The following DLG2 variants were observed in gnomAD, a reference collection of about 807,000 sequenced individuals.
DLG2 encodes disks large homolog 2.
In DLG2, 45 loss-of-function variants were observed where a neutral mutation model predicts 132.5. The observed-to-expected ratio is 0.34, with a 90% CI of 0.27 to 0.44. The LOEUF (loss-of-function observed/expected upper bound fraction) is 0.44. Ranked by LOEUF, DLG2 falls within the 20% of genes least tolerant of loss-of-function variation. DLG2 has a pLI of 1.00. For synonymous variants in DLG2, 424 were observed against 419.6 expected, an observed-to-expected ratio of 1.01 and a Z score of -0.13; for missense variants, 1,045 against 1,196.9, an observed-to-expected ratio of 0.87 and a Z score of 1.87.
intron 12 of DLG2, among the ~76,000 whole-genome samples, chr11:83,969,374 A>G (rs536450677): frequency 6.6e-6 from 1 of 152,320 alleles, no homozygotes; most frequent in Non-Finnish European, 1.5e-5. Context: ...AGGAATCATT[A>G]TATTTCCTGC....
chr11:84,503,281 G>C (rs762135778), intron 7 of DLG2, among the ~76,000 whole-genome samples: 28 of 152,100 alleles, frequency 1.8e-4, no homozygotes, highest in Non-Finnish European at 3.8e-4. Context: ...GGGTTGTCTG[G>C]GGGTCAAATT....
rs1213298818 is a variant in DLG2, at chr11:84,844,105, T to TTGTG, written c.357+267552_357+267555dup. ...TGTGTGTATATATATATATATATGTTTGTGTGTGTGTGTGTGTGTGTGTGT... is the reference window on the plus strand; with the variant it reads ...TGTGTGTATATATATATATATATGTTTGTGTGTGTGTGTGTGTGTGTGTGTGTGT... On this transcript the variant is annotated intron_variant, in intron 6 of 27. Coordinates refer to ENST00000376104, the MANE Select transcript of DLG2 (RefSeq NM_001142699.3). Among the ~76,000 whole-genome samples, 6 of 80,958 alleles carry TTGTG rather than the reference T, an allele frequency of 7.4e-5. No homozygotes were observed. The East Asian group carries it at 1.9e-3, about 25-fold the overall frequency. 53.1% of individuals were successfully genotyped at this position (80,958 alleles called of 152,430 possible). A position where few individuals can be genotyped will look rare whatever the true frequency, so the allele number is the denominator to read the frequency against.
chr11:85,092,923 G>A (rs971007660), intron 6 of DLG2, among the ~76,000 whole-genome samples: 12 of 152,196 alleles, frequency 7.9e-5, no homozygotes, highest in African/African-American at 2.9e-4. Flanking sequence ...TTACAGGCGT[G>A]CACCACTACG....
At chr11:83,642,146 T>C (rs1387935376) in intron 18 of DLG2, among the ~76,000 whole-genome samples, 2 of 152,162 alleles carry the variant, frequency 1.3e-5, no homozygotes, top group East Asian at 1.9e-4. Flanking sequence ...AAGGATGTTA[T>C]CATGTTTTCT....
chr11:84,473,863 T>C (rs1244329822), intron 7 of DLG2, among the ~76,000 whole-genome samples: 1 of 152,076 alleles, frequency 6.6e-6, no homozygotes, highest in African/African-American at 2.4e-5. Context: ...ATTTATGCCT[T>C]AAAAGCAATT....
intron 6 of DLG2, among the ~76,000 whole-genome samples, chr11:84,836,403 G>A (rs2079785046): frequency 6.6e-6 from 1 of 151,648 alleles, no homozygotes; most frequent in African/African-American, 2.4e-5. Context: ...AGTATCCAGT[G>A]CTCATTTTAT....
At chr11:83,750,321 A>G (rs1271061558) in intron 18 of DLG2, among the ~76,000 whole-genome samples, 1 of 152,204 alleles carries the variant, frequency 6.6e-6, no homozygotes, top group African/African-American at 2.4e-5. Flanking sequence ...ACTATCGACA[A>G]GTATGAGGAA....
chr11:85,573,167 G>T (rs1266182885), intron 3 of DLG2, among the ~76,000 whole-genome samples: 3 of 152,116 alleles, frequency 2.0e-5, no homozygotes, highest in African/African-American at 7.2e-5. Context: ...TGTCATACTT[G>T]TACAGACTGA....
At chr11:84,154,485 T>C (rs990617854) in intron 9 of DLG2, among the ~76,000 whole-genome samples, 2 of 152,222 alleles carry the variant, frequency 1.3e-5, no homozygotes, top group Non-Finnish European at 2.9e-5. Context: ...CAGATGCAAA[T>C]GCACATTTAC....
chr11:85,428,681 A>T (rs548402698), intron 3 of DLG2, among the ~76,000 whole-genome samples: 49 of 152,262 alleles, frequency 3.2e-4, no homozygotes, highest in Non-Finnish European at 5.9e-4. Flanking sequence ...AGAAGGAAAG[A>T]TCTAAAATTG....
At chr11:85,074,047 T>C (rs1307953551) in intron 6 of DLG2, among the ~76,000 whole-genome samples, 3 of 151,762 alleles carry the variant, frequency 2.0e-5, no homozygotes, top group African/African-American at 4.8e-5. Context: ...ACATTGAGTA[T>C]ATATGGACAC....
At chr11:84,425,386 A>G (rs914284951) in intron 7 of DLG2, among the ~76,000 whole-genome samples, 4 of 152,156 alleles carry the variant, frequency 2.6e-5, no homozygotes, top group Non-Finnish European at 5.9e-5. Flanking sequence ...GGCATAGTGT[A>G]GCTGATAACT....
intron 8 of DLG2, among the ~76,000 whole-genome samples, chr11:84,239,222 C>A (rs1363346834): frequency 6.6e-6 from 1 of 152,084 alleles, no homozygotes; most frequent in East Asian, 1.9e-4. Flanking sequence ...TCTCTGTCAA[C>A]CAGGCTGCAG....
intron 7 of DLG2, among the ~76,000 whole-genome samples, chr11:84,408,162 A>G (rs2098867912): frequency 6.6e-6 from 1 of 152,172 alleles, no homozygotes; most frequent in Admixed American, 6.5e-5. Flanking sequence ...TAAAAGAAGG[A>G]AATAAATCAG....
chr11:83,975,184 A>C (rs569264293), intron 12 of DLG2, among the ~76,000 whole-genome samples: 2 of 152,170 alleles, frequency 1.3e-5, no homozygotes, highest in East Asian at 3.9e-4. Context: ...GGAAGTGCTT[A>C]ATAAAGCCAA....
intron 6 of DLG2, among the ~76,000 whole-genome samples, chr11:84,750,503 T>A (rs2065969866): frequency 6.6e-6 from 1 of 152,062 alleles, no homozygotes; most frequent in Admixed American, 6.5e-5. Flanking sequence ...GTTTAAAACA[T>A]TTTCCAAATT....
chr11:84,536,179 A>G (rs2099355186), intron 6 of DLG2, among the ~76,000 whole-genome samples: 1 of 152,176 alleles, frequency 6.6e-6, no homozygotes, highest in South Asian at 2.1e-4. Context: ...CAGTTTCCAA[A>G]GAACTCTCAC....
At chr11:85,274,537 T>C (rs2077763866) in intron 4 of DLG2, among the ~76,000 whole-genome samples, 1 of 152,168 alleles carries the variant, frequency 6.6e-6, no homozygotes, top group South Asian at 2.1e-4. Flanking sequence ...AGAAGTATCA[T>C]AAAATATATT....
chr11:83,627,990 C>T (rs2062896725), intron 19 of DLG2, among the ~76,000 whole-genome samples: 1 of 152,148 alleles, frequency 6.6e-6, no homozygotes, highest in Non-Finnish European at 1.5e-5. Context: ...TTTCATGTGT[C>T]TGTTGGCTGC....
Sources: gnomAD v4.1 joint callset for allele counts (sites outside exome capture counted in the v4.1 genomes callset) on GRCh38, gnomAD v4.1.1 for gene constraint, MANE v1.5 for transcripts, NCBI Gene and HGNC (gene_info 2026-07-23, HGNC 2026-07-21) for gene names.